The following ZHX2 variants were observed in gnomAD, a reference collection of about 807,000 sequenced individuals.
ZHX2 encodes the protein zinc fingers and homeoboxes 2.
A neutral mutation model predicts 21.9 loss-of-function variants in ZHX2; 6 were observed. The observed-to-expected ratio is 0.27, with a 90% confidence interval of 0.15 to 0.54. ZHX2 has a LOEUF of 0.54. Ranked by LOEUF, ZHX2 falls within the 20% of genes least tolerant of loss-of-function variation. ZHX2 has a pLI of 0.95. For missense variants in ZHX2, 908 were observed against 1,090.7 expected (o/e 0.83, Z 2.36); for synonymous variants, 434 against 437.1 (o/e 0.99, Z 0.09).
chr8:122,877,933 C>A (rs932938059), intron 2 of ZHX2, among the ~76,000 whole-genome samples: 1 of 152,052 alleles, frequency 6.6e-6, no homozygotes, highest in Non-Finnish European at 1.5e-5. Context: ...TTAAAATATA[C>A]GTTGGATTTT....
intron 2 of ZHX2, among the ~76,000 whole-genome samples, chr8:122,931,834 G>A (rs969833823): frequency 1.3e-5 from 2 of 152,184 alleles, no homozygotes; most frequent in East Asian, 3.8e-4. Flanking sequence ...ATGGGAGAAG[G>A]AAATGAGTGG....
intron 1 of ZHX2, among the ~76,000 whole-genome samples, chr8:122,861,035 C>CAAAA (rs36046690): frequency 9.0e-5 from 6 of 66,756 alleles, no homozygotes; most frequent in African/African-American, 1.8e-4. Context: ...GACTTCGTCT[C>CAAAA]AAAAAAAAAA....
chr8:122,845,522 A>C (rs982459921), intron 1 of ZHX2, among the ~76,000 whole-genome samples: 1 of 152,256 alleles, frequency 6.6e-6, no homozygotes, highest in Admixed American at 6.5e-5. Context: ...GGTCTCCAAT[A>C]ATACCTTGTG....
chr8:122,830,521 G>T (rs1415777972), intron 1 of ZHX2, among the ~76,000 whole-genome samples: 2 of 152,168 alleles, frequency 1.3e-5, no homozygotes, highest in Non-Finnish European at 2.9e-5. Flanking sequence ...GGGGTGGTGT[G>T]GGCACGTTGG....
chr8:122,913,116 C>T (rs944416899), intron 2 of ZHX2, among the ~76,000 whole-genome samples: 1 of 152,208 alleles, frequency 6.6e-6, no homozygotes, highest in Non-Finnish European at 1.5e-5. Flanking sequence ...TGAAGGGAAT[C>T]ATAGAATAAG....
chr8:122,945,960 TTAAG>T (rs1812966260), intron 2 of ZHX2, among the ~76,000 whole-genome samples: 2 of 152,232 alleles, frequency 1.3e-5, no homozygotes, highest in Middle Eastern at 3.4e-3. Flanking sequence ...CCTGCTCCCT[TTAAG>T]TGTTTTCAGG....
At chr8:122,800,892 T>C (rs1817706684) in intron 1 of ZHX2, among the ~76,000 whole-genome samples, 1 of 152,258 alleles carries the variant, frequency 6.6e-6, no homozygotes, top group African/African-American at 2.4e-5. Flanking sequence ...GAGTTATGGC[T>C]TGTGTAGACA....
At chr8:122,842,997 C>A (rs1818673203) in intron 1 of ZHX2, among the ~76,000 whole-genome samples, 2 of 152,188 alleles carry the variant, frequency 1.3e-5, no homozygotes, top group Non-Finnish European at 2.9e-5. Context: ...GTGATGCAGG[C>A]GTGACACTTG....
intron 1 of ZHX2, among the ~76,000 whole-genome samples, chr8:122,821,688 CTTTATTTA>C (rs35192802): frequency 8.2e-4 from 120 of 145,516 alleles, no homozygotes; most frequent in South Asian, 2.9e-3. Flanking sequence ...ACAGGCATGA[CTTTATTTA>C]TTTATTTATT....
intron 2 of ZHX2, among the ~76,000 whole-genome samples, chr8:122,937,933 GTTTTTTTT>G (rs71310636): frequency 4.1e-5 from 3 of 73,352 alleles, no homozygotes; most frequent in Non-Finnish European, 7.0e-5. Context: ...TTTCTTTTTG[GTTTTTTTT>G]TTTTTTTTTT....
intron 1 of ZHX2, among the ~76,000 whole-genome samples, chr8:122,843,915 G>A (rs1419910757): frequency 6.6e-6 from 1 of 151,264 alleles, no homozygotes; most frequent in Non-Finnish European, 1.5e-5. Flanking sequence ...AAATACAGGT[G>A]GCTGTGAGAG....
chr8:122,873,898 G>A (rs1453346017), intron 2 of ZHX2, among the ~76,000 whole-genome samples: 3 of 152,130 alleles, frequency 2.0e-5, no homozygotes, highest in African/African-American at 7.2e-5. Context: ...TTTTTCTTAT[G>A]CTGCAGAACA....
chr8:122,964,960 G>T (rs1458468968), intron 3 of ZHX2, among the ~76,000 whole-genome samples: 1 of 147,388 alleles, frequency 6.8e-6, no homozygotes, highest in African/African-American at 2.5e-5. Context: ...AATATCTTTT[G>T]TATTTCTATG....
intron 2 of ZHX2, among the ~76,000 whole-genome samples, chr8:122,873,163 G>A (rs919399396): frequency 1.3e-5 from 2 of 152,202 alleles, no homozygotes; most frequent in Non-Finnish European, 2.9e-5. Flanking sequence ...TGTAAGTCCT[G>A]CACTGCCTTA....
intron 1 of ZHX2, among the ~76,000 whole-genome samples, chr8:122,814,608 G>A (rs887419009): frequency 8.5e-5 from 13 of 152,236 alleles, no homozygotes; most frequent in African/African-American, 3.1e-4. Flanking sequence ...ACATTTGGGT[G>A]GAGAATGAGA....
intron 2 of ZHX2, among the ~76,000 whole-genome samples, chr8:122,885,304 C>G (rs1383486551): frequency 6.6e-6 from 1 of 152,162 alleles, no homozygotes; most frequent in African/African-American, 2.4e-5. Context: ...TTAAACTCAT[C>G]AAGATGTTGC....
At chr8:122,873,364 G>A (rs1018049730) in intron 2 of ZHX2, among the ~76,000 whole-genome samples, 6 of 147,292 alleles carry the variant, frequency 4.1e-5, no homozygotes, top group African/African-American at 1.5e-4. Flanking sequence ...CTAACCCCAC[G>A]TGCAGAAGTG....
At chr8:122,819,093 G>A (rs549711621) in intron 1 of ZHX2, among the ~76,000 whole-genome samples, 52 of 152,326 alleles carry the variant, frequency 3.4e-4, no homozygotes, top group East Asian at 1.2e-3. Flanking sequence ...GCAAGGAGCT[G>A]AAGGCCTTCT....
intron 1 of ZHX2, among the ~76,000 whole-genome samples, chr8:122,787,988 C>T (rs953556054): frequency 1.3e-5 from 2 of 152,142 alleles, no homozygotes; most frequent in African/African-American, 4.8e-5. Context: ...GACATTTATG[C>T]CCCCACAGCC....
Sources: gnomAD v4.1 joint callset for allele counts (sites outside exome capture counted in the v4.1 genomes callset) on GRCh38, gnomAD v4.1.1 for gene constraint, MANE v1.5 for transcripts, NCBI Gene and HGNC (gene_info 2026-07-23, HGNC 2026-07-21) for gene names.